FHIT: variants seen among roughly 807,000 people sequenced by gnomAD.
FHIT encodes fragile histidine triad diadenosine triphosphatase, also known as bis(5'-adenosyl)-triphosphatase.
In FHIT, 19 loss-of-function variants were observed where a neutral mutation model predicts 17.9. The ratio of observed to expected loss-of-function variants is 1.06; its 90% CI spans 0.74 to 1.56. The LOEUF is 1.56. Among genes scored for constraint, FHIT ranks in the 40% most tolerant of loss-of-function variants. FHIT has a pLI of 0.00. For missense variants in FHIT, 248 were observed against 189.2 expected (o/e 1.31, Z -1.82); for synonymous variants, 81 against 69.7 (o/e 1.16, Z -0.81).
At chr3:60,664,497 G>A (rs372007311) in intron 4 of FHIT, among the ~76,000 whole-genome samples, 55 of 151,672 alleles carry the variant, frequency 3.6e-4, no homozygotes, top group African/African-American at 1.3e-3. Flanking sequence ...GGGTAATAAT[G>A]AGTTGAAAAG....
chr3:60,697,560 C>T (rs2041142824), intron 4 of FHIT, among the ~76,000 whole-genome samples: 1 of 152,036 alleles, frequency 6.6e-6, no homozygotes, highest in Non-Finnish European at 1.5e-5. Context: ...AACTGGGCAT[C>T]CTGAATTTTA....
intron 2 of FHIT, among the ~76,000 whole-genome samples, chr3:61,184,338 A>T (rs1054049013): frequency 7.2e-5 from 11 of 152,140 alleles, no homozygotes; most frequent in Non-Finnish European, 1.3e-4. Context: ...CAGAGGATAC[A>T]GACATATATT....
intron 4 of FHIT, among the ~76,000 whole-genome samples, chr3:60,590,167 A>G (rs555355247): frequency 3.3e-5 from 5 of 152,076 alleles, no homozygotes; most frequent in Non-Finnish European, 7.4e-5. Context: ...ATTATGAACC[A>G]AATTTTTCTT....
intron 5 of FHIT, among the ~76,000 whole-genome samples, chr3:60,115,718 T>G (rs80081808): frequency 1.3e-5 from 2 of 152,114 alleles, no homozygotes; most frequent in East Asian, 1.9e-4. Flanking sequence ...AGGTGAATAC[T>G]TGAAAGACAT....
At chr3:60,661,739 GC>G (rs1553691216) in intron 4 of FHIT, among the ~76,000 whole-genome samples, 1 of 151,982 alleles carries the variant, frequency 6.6e-6, no homozygotes, top group Admixed American at 6.6e-5. Flanking sequence ...TTTGATTATG[GC>G]CATTCTTGCA....
At chr3:60,153,286 C>T (rs1464715371) in intron 5 of FHIT, among the ~76,000 whole-genome samples, 1 of 143,496 alleles carries the variant, frequency 7.0e-6, no homozygotes, top group East Asian at 2.2e-4. Context: ...ATGGCCTCTT[C>T]AAAGTTCTTT....
At chr3:60,347,322 A>G (rs1482370774) in intron 5 of FHIT, among the ~76,000 whole-genome samples, 1 of 152,214 alleles carries the variant, frequency 6.6e-6, no homozygotes, top group Non-Finnish European at 1.5e-5. Flanking sequence ...AATATTTCAA[A>G]GGAGTCATTA....
chr3:61,128,215 G>A (rs183555127), intron 2 of FHIT, among the ~76,000 whole-genome samples: 1 of 152,138 alleles, frequency 6.6e-6, no homozygotes, highest in Admixed American at 6.5e-5. Context: ...AGACCACATA[G>A]GACCTGTTTG....
At chr3:60,081,078 A>C (rs184676914) in intron 5 of FHIT, among the ~76,000 whole-genome samples, 32 of 152,224 alleles carry the variant, frequency 2.1e-4, no homozygotes, top group African/African-American at 7.2e-4. Flanking sequence ...AGAAATAGAC[A>C]GGGAGATGGA....
intron 5 of FHIT, among the ~76,000 whole-genome samples, chr3:60,139,968 A>T (rs1699969705): frequency 6.6e-6 from 1 of 152,020 alleles, no homozygotes; most frequent in African/African-American, 2.4e-5. Context: ...CTAAAAATAC[A>T]AAAATTAGCC....
chr3:60,270,497 G>C (rs1706807930), intron 5 of FHIT, among the ~76,000 whole-genome samples: 1 of 152,158 alleles, frequency 6.6e-6, no homozygotes, highest in South Asian at 2.1e-4. Flanking sequence ...TCAGGGAAAA[G>C]GCAGTAGAAC....
chr3:60,824,970 A>G (rs1292458012), intron 3 of FHIT, among the ~76,000 whole-genome samples: 2 of 152,208 alleles, frequency 1.3e-5, no homozygotes, highest in African/African-American at 2.4e-5. Flanking sequence ...CTCACTAAAC[A>G]TGAGGAAAAT....
intron 7 of FHIT, among the ~76,000 whole-genome samples, chr3:59,995,409 G>A (rs1414226614): frequency 2.6e-5 from 4 of 152,078 alleles, no homozygotes; most frequent in East Asian, 1.9e-4. Flanking sequence ...CTCTTGAGGA[G>A]GTAATTAAAC....
intron 7 of FHIT, among the ~76,000 whole-genome samples, chr3:59,955,489 T>C (rs73104585): frequency 0.089 from 13,553 of 152,178 alleles, 848 homozygotes; most frequent in Admixed American, 0.14. Context: ...TTACACACCA[T>C]CCAAATGTTG....
intron 7 of FHIT, among the ~76,000 whole-genome samples, chr3:59,966,879 C>T (rs1257811476): frequency 6.6e-6 from 1 of 152,102 alleles, no homozygotes; most frequent in Non-Finnish European, 1.5e-5. Context: ...ATAAATTAAT[C>T]AGCTTACTGG....
At chr3:60,568,188 C>G (rs542205433) in intron 4 of FHIT, among the ~76,000 whole-genome samples, 53 of 152,136 alleles carry the variant, frequency 3.5e-4, no homozygotes, top group African/African-American at 1.3e-3. Context: ...CTCACAATAG[C>G]AAAGACTTGG....
chr3:60,911,410 CACT>C (rs1553765846), intron 3 of FHIT, among the ~76,000 whole-genome samples: 1 of 151,448 alleles, frequency 6.6e-6, no homozygotes, highest in African/African-American at 2.4e-5. Flanking sequence ...CTTCCACCAC[CACT>C]ACCACCACCA....
At chr3:60,790,780 G>C (rs1700751673) in intron 4 of FHIT, among the ~76,000 whole-genome samples, 3 of 152,134 alleles carry the variant, frequency 2.0e-5, no homozygotes, top group Non-Finnish European at 4.4e-5. Flanking sequence ...AAAAGATTGA[G>C]TCCTAATGTA....
chr3:60,055,752 A>G (rs901036464), intron 5 of FHIT, among the ~76,000 whole-genome samples: 1 of 152,188 alleles, frequency 6.6e-6, no homozygotes, highest in Non-Finnish European at 1.5e-5. Context: ...GAGAGGTTAA[A>G]TGACTTGCCA....
Sources: gnomAD v4.1 joint callset for allele counts (sites outside exome capture counted in the v4.1 genomes callset) on GRCh38, gnomAD v4.1.1 for gene constraint, MANE v1.5 for transcripts, NCBI Gene and HGNC (gene_info 2026-07-23, HGNC 2026-07-21) for gene names.